The following SERPINH1 variants were observed in gnomAD, a reference collection of about 807,000 sequenced individuals.
The protein encoded by SERPINH1 is serpin H1.
A neutral mutation model predicts 32.3 loss-of-function variants in SERPINH1; 22 were observed. That is an observed-to-expected ratio of 0.68 (90% CI 0.49 to 0.97). SERPINH1 has a LOEUF of 0.97. Among genes scored for constraint, SERPINH1 ranks in the 50% least tolerant of loss-of-function variants. SERPINH1 has a pLI of 0.00. For synonymous variants in SERPINH1, 251 were observed against 245.9 expected, an observed-to-expected ratio of 1.02 and a Z score of -0.19; for missense variants, 543 against 576.4, an observed-to-expected ratio of 0.94 and a Z score of 0.59.
rs995057062 is a variant in SERPINH1 at position 75,571,838 on chromosome 11, T to C, written c.1012T>C (p.Ser338Pro). 6.2e-7 allele frequency: 1 copy of C among 1,614,166 alleles called. No individual in the cohort carries two copies. Among genetic ancestry groups the C allele is most frequent in the Non-Finnish European group, 8.5e-7 (1 of 1,180,036 alleles). Residue 338 changes from serine to proline, a missense_variant, in exon 5 of 5, where the codon TCA becomes CCA. By Grantham distance (74) the Ser-to-Pro change is moderately conservative (BLOSUM62 -1). Coordinates refer to ENST00000358171, the MANE Select transcript of SERPINH1 (RefSeq NM_001235.5). ...CATTGACAAGAACAAGGCCGACTTG[T>C]CACGCATGTCAGGCAAGAAGGACCT... ...EAIDKNKADL[S>P]RMSGKKDLYL...
intron 4 of SERPINH1, among the ~76,000 whole-genome samples, chr11:75,569,730 G>T (rs759287502): frequency 2.5e-4 from 38 of 152,060 alleles, no homozygotes; most frequent in Admixed American, 2.0e-3. Flanking sequence ...GCCTTTATAC[G>T]TATTAAACTC....
rs1483218735 is a variant in SERPINH1 at position 75,571,666 on chromosome 11, AG to A, written c.955-110del. 3.5e-4 allele frequency: 316 copies of A among 899,424 alleles called. 4 individuals carry two copies. The East Asian group carries it at 7.9e-3, about 23-fold the overall frequency. The allele number at this position is 899,424 out of a possible 1,614,324, so 55.7% of individuals were successfully genotyped here. ...CATGCCTGGCATACAGAAGGTGACCAGGGGGTGGTTCTCTCCTCTCTGAGGA... is the reference window on the plus strand; with the variant it reads ...CATGCCTGGCATACAGAAGGTGACCAGGGGTGGTTCTCTCCTCTCTGAGGA... On this transcript the variant is annotated intron_variant, in intron 4 of 4. Transcript: ENST00000358171.
At chr11:75,567,008 T>TCCC (rs1942102833) in intron 2 of SERPINH1, 37 bp downstream of exon 2, 1 of 1,578,734 alleles carries the variant, frequency 6.3e-7, no homozygotes, top group African/African-American at 1.3e-5. Context: ...CTCCTCCTCC[T>TCCC]CCCAGGACCC....
At chr11:75,568,660 G>T in intron 2 of SERPINH1, 71 bp from the exon 3 acceptor site, 1 of 980,700 alleles carries the variant, frequency 1.0e-6, no homozygotes, top group Non-Finnish European at 1.6e-6. Context: ...GCAGCCGGGG[G>T]TGGCTGTGGG....
At position 75,571,872 on chromosome 11, in the gene SERPINH1, C is replaced by T. The variant is rs1317813949; in HGVS notation, c.1046C>T (p.Ala349Val). The T allele has an allele frequency of 8.7e-6, 14 of 1,614,066 alleles. No individual in the cohort carries two copies. In the East Asian group the frequency reaches 2.9e-4, roughly 33 times the overall value. Residue 349 changes from alanine to valine, a missense_variant, in exon 5 of 5, where the codon GCC (alanine) becomes GTC (valine). Ala to Val is a moderately conservative substitution (Grantham distance 64, BLOSUM62 0). This residue lies in a region of SERPINH1 where 427 missense variants were observed against 446.4 expected (regional missense o/e 0.96). Coordinates refer to ENST00000358171, the MANE Select transcript of SERPINH1 (RefSeq NM_001235.5). Reference sequence around the variant, plus strand: ...TCAGGCAAGAAGGACCTGTACCTGGCCAGCGTGTTCCACGCCACCGCCTTT... The same window carrying T: ...TCAGGCAAGAAGGACCTGTACCTGGTCAGCGTGTTCCACGCCACCGCCTTT... The part of the protein sequence containing the change: ...RMSGKKDLYL[A>V]SVFHATAFEL...
intron 2 of SERPINH1, chr11:75,568,034 T>C (rs605040): frequency 0.44 from 69,140 of 157,348 alleles, 16,364 homozygotes; most frequent in Non-Finnish European, 0.55. Flanking sequence ...CAGTAGCTCA[T>C]GCCTGTAATC....
rs1410778905 is a variant in SERPINH1, at chr11:75,566,322, C to A, written c.-28C>A. On this transcript the variant is annotated 5_prime_UTR_variant, in exon 2 of 5. Transcript: ENST00000358171. ...GTCTGTGCAATCCTCACAGGCCCAC[C>A]GTGGTGCACGCAAACCACTTCCTGG... 1.3e-6 allele frequency: 2 copies of A among 1,599,294 alleles called. No homozygotes were observed. Among genetic ancestry groups the A allele is most frequent in the East Asian group, 2.2e-5 (1 of 44,480 alleles).
At chr11:75,567,468 C>T (rs548977063) in intron 2 of SERPINH1, among the ~76,000 whole-genome samples, 72 of 152,326 alleles carry the variant, frequency 4.7e-4, no homozygotes, top group African/African-American at 1.7e-3. Context: ...GTTACAGGTG[C>T]CTACCACCAC....
At chr11:75,567,158 G>A (rs1166057625) in intron 2 of SERPINH1, among the ~76,000 whole-genome samples, 187 bp downstream of exon 2, 1 of 152,208 alleles carries the variant, frequency 6.6e-6, no homozygotes, top group Non-Finnish European at 1.5e-5. Context: ...GTAGCAGCGT[G>A]TAAAGGAATG....
intron 2 of SERPINH1, 114 bp from the exon 3 acceptor site, chr11:75,568,617 G>T: frequency 1.4e-6 from 1 of 736,658 alleles, no homozygotes; most frequent in Non-Finnish European, 2.4e-6. Context: ...GAAGAATGGA[G>T]CAAAGACCTG....
At chr11:75,564,805 A>G (rs898388427) in intron 1 of SERPINH1, among the ~76,000 whole-genome samples, 1 of 152,108 alleles carries the variant, frequency 6.6e-6, no homozygotes, top group African/African-American at 2.4e-5. Flanking sequence ...TGCACCTTCA[A>G]GGCTCCGAGG....
At position 75,566,475 on chromosome 11, in the gene SERPINH1, G is replaced by T. The variant is rs749618537; in HGVS notation, c.126G>T (p.Thr42=). The stretch of plus-strand genomic sequence containing the variant: ...AGAAGTTGAGCCCCAAGGCGGCCAC[G>T]CTTGCCGAGCGCAGCGCCGGCCTGG... ...TAEKLSPKAA[T]LAERSAGLAF... Residue 42 remains threonine (T), a synonymous_variant, in exon 2 of 5, where the codon ACG becomes ACT. Transcript: ENST00000358171. 1.9e-6 allele frequency: 3 copies of T among 1,612,260 alleles called. No individual in the cohort carries two copies. The highest frequency in any genetic ancestry group is 2.2e-5 in the East Asian group (1 of 44,890).
chr11:75,567,019 C>T, intron 2 of SERPINH1, 48 bp downstream of exon 2: 1 of 1,573,242 alleles, frequency 6.4e-7, no homozygotes, highest in South Asian at 1.1e-5. Flanking sequence ...CCCAGGACCC[C>T]CTGCAAGAGT....
intron 1 of SERPINH1, among the ~76,000 whole-genome samples, chr11:75,565,578 A>G (rs970722171): frequency 2.6e-5 from 4 of 151,002 alleles, no homozygotes; most frequent in African/African-American, 2.4e-5. Flanking sequence ...TGGACCTTTC[A>G]GCTTGGAAAA....
rs376437954 is a variant in SERPINH1 at position 75,569,051 on chromosome 11, C to T, written c.834C>T (p.Leu278=). The change falls in exon 4 of 5, where the codon CTC becomes CTT. Residue 278 remains leucine, a synonymous_variant. Coordinates refer to ENST00000358171, the MANE Select transcript of SERPINH1 (RefSeq NM_001235.5). The part of the protein sequence containing the change: ...IILMPHHVEP[L]ERLEKLLTKE... Reference sequence around the variant, plus strand: ...TCATGCCCCATCACGTGGAGCCTCTCGAGCGCCTTGAAAAGCTGCTAACCA... The same window carrying T: ...TCATGCCCCATCACGTGGAGCCTCTTGAGCGCCTTGAAAAGCTGCTAACCA... 14 of 1,614,074 alleles carry T rather than the reference C, an allele frequency of 8.7e-6. No homozygotes were observed. The highest frequency in any genetic ancestry group is 5.3e-5 in the African/African-American group (4 of 74,938).
intron 2 of SERPINH1, 72 bp downstream of exon 2, chr11:75,567,043 C>T (rs1592201418): frequency 1.3e-6 from 2 of 1,489,906 alleles, no homozygotes; most frequent in Non-Finnish European, 1.8e-6. Context: ...GACGACATTC[C>T]GTGCGCTCCA....
intron 1 of SERPINH1, among the ~76,000 whole-genome samples, chr11:75,565,992 A>C (rs906604367): frequency 6.6e-6 from 1 of 152,268 alleles, no homozygotes. Context: ...CAGATTGGCT[A>C]GCTTTTCTGT....
Position 75,566,353 on chromosome 11 carries a change from C to G in SERPINH1, c.4C>G (p.Arg2Gly). M[R>G]SLLLLSAFCL... ...GCACGCAAACCACTTCCTGGCCATG[C>G]GCTCCCTCCTGCTTCTCAGCGCCTT... is the stretch of plus-strand genomic sequence containing the variant. The change falls in exon 2 of 5, where the codon CGC becomes GGC. Residue 2 changes from arginine (R) to glycine (G), a missense_variant. Around this residue, in one of 3 missense-constraint regions of SERPINH1, gnomAD observed 109 missense variants for 102.4 expected, o/e 1.06. Coordinates refer to ENST00000358171, the MANE Select transcript of SERPINH1 (RefSeq NM_001235.5). 7 of 1,607,930 alleles carry G rather than the reference C, an allele frequency of 4.4e-6. No individual in the cohort carries two copies. Among genetic ancestry groups the G allele is most frequent in the Non-Finnish European group, 5.9e-6 (7 of 1,177,956 alleles).
chr11:75,570,501 C>T (rs988555951), intron 4 of SERPINH1, among the ~76,000 whole-genome samples: 3 of 152,132 alleles, frequency 2.0e-5, no homozygotes, highest in Non-Finnish European at 4.4e-5. Flanking sequence ...GGAGACCCCA[C>T]CCCCCAGATA....
Sources: allele counts gnomAD v4.1 joint callset (sites outside exome capture counted in the v4.1 genomes callset), GRCh38; gene constraint gnomAD v4.1.1; regional missense constraint gnomAD v4.1.1; transcripts MANE v1.5; gene names NCBI Gene and HGNC (gene_info 2026-07-23, HGNC 2026-07-21).